MIPOL1: variants seen among roughly 807,000 people sequenced by gnomAD.
The protein encoded by MIPOL1 is mirror-image polydactyly gene 1 protein.
Under a neutral mutation model 60.9 loss-of-function variants are expected in MIPOL1, and 57 were observed. The ratio of observed to expected loss-of-function variants is 0.94; its 90% CI spans 0.76 to 1.17. The LOEUF is 1.17. Ranked by LOEUF, MIPOL1 falls within the 50% of genes most tolerant of loss-of-function variation. The pLI, the probability that MIPOL1 is intolerant of heterozygous loss-of-function variation, is 0.00. For missense variants in MIPOL1, 551 were observed against 511.6 expected (o/e 1.08, Z -0.74); for synonymous variants, 179 against 168.8 (o/e 1.06, Z -0.47).
intron 10 of MIPOL1, among the ~76,000 whole-genome samples, chr14:37,409,109 A>G (rs1408227228): frequency 6.6e-6 from 1 of 152,174 alleles, no homozygotes; most frequent in Non-Finnish European, 1.5e-5. Context: ...CATGGAACAG[A>G]CACAAGTACT....
intron 10 of MIPOL1, among the ~76,000 whole-genome samples, chr14:37,399,630 GGTT>G (rs1238021197): frequency 2.0e-5 from 3 of 151,930 alleles, no homozygotes; most frequent in African/African-American, 7.3e-5. Context: ...GTCAAAGATG[GGTT>G]GTTAACTTTC....
Position 37,266,989 on chromosome 14 carries a change from C to T in MIPOL1, c.71C>T (p.Thr24Met), listed in dbSNP as rs146373045. 59 of 1,613,506 alleles carry T rather than the reference C, an allele frequency of 3.7e-5. No individual in the cohort carries two copies. The highest frequency in any genetic ancestry group is 1.2e-4 in the African/African-American group (9 of 74,876). ...GAAACTACGGGGATAAATAAAAGTA[C>T]GCAGCCAGATGAGCAACTGACTATG... ...EQETTGINKSTQPDEQLTMNS... is the reference protein window; with the variant it reads ...EQETTGINKSMQPDEQLTMNS... The change falls in exon 4 of 13, where the codon ACG (threonine) becomes ATG (methionine). Residue 24 changes from threonine to methionine, a missense_variant. Physicochemically the swap from Thr to Met is moderately conservative, Grantham distance 81 (BLOSUM62 -1). Transcript: ENST00000684589.
At chr14:37,524,869 GA>G (rs1222289138) in intron 12 of MIPOL1, among the ~76,000 whole-genome samples, 1 of 151,832 alleles carries the variant, frequency 6.6e-6, no homozygotes, top group East Asian at 1.9e-4. Flanking sequence ...CACCCGGCCT[GA>G]AGCTTATTTT....
intron 10 of MIPOL1, among the ~76,000 whole-genome samples, chr14:37,394,963 A>G (rs939994218): frequency 6.6e-6 from 1 of 152,184 alleles, no homozygotes; most frequent in African/African-American, 2.4e-5. Flanking sequence ...ATAAGAATCC[A>G]GTTTCATTCT....
At chr14:37,410,872 A>T (rs1422452930) in intron 10 of MIPOL1, among the ~76,000 whole-genome samples, 1 of 152,134 alleles carries the variant, frequency 6.6e-6, no homozygotes, top group Admixed American at 6.5e-5. Context: ...ATAATAAATG[A>T]ATCAATTCAA....
rs117403820 is a variant in MIPOL1 at position 37,317,040 on chromosome 14, A to G, written c.828+8521A>G. Among the ~76,000 whole-genome samples the G allele has an allele frequency of 2.6e-4, 40 of 152,222 alleles. No homozygotes were observed. The East Asian group carries it at 6.8e-3, about 26-fold the overall frequency. ...TACCAAGTCCTGGAGTAGATGAGTA[A>G]ATTGATAGGAAATAGGTTCTAGAAC... On this transcript the variant is annotated intron_variant, in intron 9 of 12. Transcript: ENST00000684589.
chr14:37,306,542 C>G lies in MIPOL1; in HGVS notation c.624-1514C>G, dbSNP rs970735048. Among the ~76,000 whole-genome samples, 17 of 151,644 alleles carry G rather than the reference C, an allele frequency of 1.1e-4. 1 individual carries two copies. Among genetic ancestry groups the G allele is most frequent in the Admixed American group, 2.0e-4 (3 of 15,170 alleles). On this transcript the variant is annotated intron_variant, in intron 7 of 12. Transcript: ENST00000684589. ...GGGTAGCAGCCATAATTAGATCTTACTTTGATTTTAGCTAAAAAGAATGGC... is the reference window on the plus strand; with the variant it reads ...GGGTAGCAGCCATAATTAGATCTTAGTTTGATTTTAGCTAAAAAGAATGGC...
intron 9 of MIPOL1, among the ~76,000 whole-genome samples, chr14:37,334,328 T>C (rs1158490190): frequency 6.6e-6 from 1 of 151,990 alleles, no homozygotes; most frequent in East Asian, 1.9e-4. Flanking sequence ...AGACCTCGAC[T>C]GTTCAGACAA....
At chr14:37,273,158 ACTT>A (rs1419827880) in intron 6 of MIPOL1, among the ~76,000 whole-genome samples, 1 of 151,134 alleles carries the variant, frequency 6.6e-6, no homozygotes, top group Non-Finnish European at 1.5e-5. Context: ...TATGAGAAAA[ACTT>A]CATAACTATT....
chr14:37,458,497 T>C (rs1412062836), intron 11 of MIPOL1, among the ~76,000 whole-genome samples: 1 of 152,054 alleles, frequency 6.6e-6, no homozygotes, highest in South Asian at 2.1e-4. Context: ...GGAATAAAAC[T>C]AGAAATCAAT....
chr14:37,466,676 A>G (rs2094602543), intron 11 of MIPOL1, among the ~76,000 whole-genome samples: 1 of 152,198 alleles, frequency 6.6e-6, no homozygotes, highest in African/African-American at 2.4e-5. Flanking sequence ...CCTGAAAAAA[A>G]GTCAGTTACA....
intron 1 of MIPOL1, among the ~76,000 whole-genome samples, chr14:37,243,886 C>A (rs1972736746): frequency 6.6e-6 from 1 of 151,982 alleles, no homozygotes; most frequent in Non-Finnish European, 1.5e-5. Flanking sequence ...AATTTTGTTT[C>A]ATGAAGTGTT....
intron 10 of MIPOL1, among the ~76,000 whole-genome samples, chr14:37,382,391 ATTAAC>A (rs1393550873): frequency 6.6e-5 from 10 of 152,194 alleles, no homozygotes; most frequent in African/African-American, 1.4e-4. Context: ...GTCAAATGCA[ATTAAC>A]TTACTTTACT....
intron 9 of MIPOL1, among the ~76,000 whole-genome samples, chr14:37,308,772 GACTA>G (rs1233567014): frequency 6.6e-6 from 1 of 151,936 alleles, no homozygotes; most frequent in African/African-American, 2.4e-5. Context: ...TTTTATTACA[GACTA>G]ACTTGTTATA....
intron 2 of MIPOL1, 52 bp downstream of exon 2, chr14:37,247,292 T>C (rs1359125919): frequency 6.6e-6 from 1 of 152,468 alleles, no homozygotes; most frequent in Non-Finnish European, 1.5e-5. Context: ...TTGCATAGTG[T>C]TTTATCATGT....
intron 1 of MIPOL1, among the ~76,000 whole-genome samples, chr14:37,218,864 G>T (rs1038579591): frequency 5.3e-5 from 8 of 150,106 alleles, no homozygotes; most frequent in Non-Finnish European, 1.0e-4. Context: ...ATTTGAGGCT[G>T]CAGTGAGCCA....
At chr14:37,439,572 AG>A (rs1782715731) in intron 11 of MIPOL1, among the ~76,000 whole-genome samples, 1 of 152,166 alleles carries the variant, frequency 6.6e-6, no homozygotes, top group Admixed American at 6.6e-5. Flanking sequence ...ATTTTTGAAA[AG>A]CTTATGGAGA....
At chr14:37,290,419 T>C (rs1023225307) in intron 7 of MIPOL1, among the ~76,000 whole-genome samples, 1 of 152,024 alleles carries the variant, frequency 6.6e-6, no homozygotes, top group African/African-American at 2.4e-5. Context: ...AGAGATGGGG[T>C]TTCACCACAT....
At chr14:37,440,273 A>G (rs1051221483) in intron 11 of MIPOL1, among the ~76,000 whole-genome samples, 3 of 152,222 alleles carry the variant, frequency 2.0e-5, no homozygotes, top group Non-Finnish European at 4.4e-5. Context: ...ATTGACTTAT[A>G]TACATTTTTA....
Sources: gnomAD v4.1 joint callset for allele counts (sites outside exome capture counted in the v4.1 genomes callset) on GRCh38, gnomAD v4.1.1 for gene constraint, MANE v1.5 for transcripts, NCBI Gene and HGNC (gene_info 2026-07-23, HGNC 2026-07-21) for gene names.